PACS1: variants seen among roughly 807,000 people sequenced by gnomAD.
PACS1 encodes the protein phosphofurin acidic cluster sorting protein 1.
PACS1 carries 24 observed loss-of-function variants against 115.0 expected under a neutral mutation model. The observed-to-expected ratio is 0.21, with a 90% confidence interval of 0.15 to 0.29. The LOEUF (loss-of-function observed/expected upper bound fraction) is 0.29. PACS1 is among the 10% of genes least tolerant of loss of function. The pLI is 1.00. For synonymous variants in PACS1, 453 were observed against 504.5 expected (o/e 0.90, Z 1.37); for missense variants, 838 against 1,251.2 (o/e 0.67, Z 4.98).
chr11:66,221,849 C>G (rs1180514478), intron 10 of PACS1, among the ~76,000 whole-genome samples: 4 of 152,130 alleles, frequency 2.6e-5, no homozygotes, highest in African/African-American at 4.8e-5. Context: ...GGCGTGGTGA[C>G]TCATGTCTAT....
intron 1 of PACS1, among the ~76,000 whole-genome samples, chr11:66,187,207 A>G (rs1298680346): frequency 6.6e-6 from 1 of 152,066 alleles, no homozygotes; most frequent in East Asian, 1.9e-4. Flanking sequence ...AAATTGACCG[A>G]TCTTACATAT....
chr11:66,189,051 G>T (rs937304365), intron 1 of PACS1, among the ~76,000 whole-genome samples: 1 of 152,086 alleles, frequency 6.6e-6, no homozygotes, highest in African/African-American at 2.4e-5. Context: ...TGTAAAATAG[G>T]TATAATACCC....
intron 2 of PACS1, among the ~76,000 whole-genome samples, chr11:66,203,306 A>G (rs897106661): frequency 1.3e-5 from 2 of 152,226 alleles, no homozygotes; most frequent in Non-Finnish European, 2.9e-5. Context: ...GAAGTGAAAT[A>G]TCTCTATATT....
At position 66,070,584 on chromosome 11, in the gene PACS1, C is replaced by CGCCGCAGCAGCAGCAGCAGCA. The variant is rs1857289829; in HGVS notation, c.104_124dup (p.Gln35_Pro41dup). The CGCCGCAGCAGCAGCAGCAGCA allele has an allele frequency of 2.0e-6, 3 of 1,497,130 alleles. No individual in the cohort carries two copies. The highest frequency in any genetic ancestry group is 2.7e-6 in the Non-Finnish European group (3 of 1,130,878). 92.7% of individuals were successfully genotyped at this position (1,497,130 alleles called of 1,614,324 possible). On this transcript the variant is annotated inframe_insertion, in exon 1 of 24. Coordinates refer to ENST00000320580, the MANE Select transcript of PACS1 (RefSeq NM_018026.4). The surrounding 1 kb of genome is among the most constrained non-coding windows in gnomAD (Gnocchi z 5.9). ...GTCGCCCAGTCCCCTCAGCAGCCGC[C>CGCCGCAGCAGCAGCAGCAGCA]GCCGCAGCAGCAGCAGCAGCAGCCG... is the stretch of plus-strand genomic sequence containing the variant.
At chr11:66,121,844 A>C (rs1858450450) in intron 1 of PACS1, among the ~76,000 whole-genome samples, 2 of 152,360 alleles carry the variant, frequency 1.3e-5, no homozygotes, top group Admixed American at 6.5e-5. Flanking sequence ...GTAAAAAAGC[A>C]ACATAAAAAT....
At chr11:66,159,561 T>C (rs1859441073) in intron 1 of PACS1, among the ~76,000 whole-genome samples, 1 of 152,216 alleles carries the variant, frequency 6.6e-6, no homozygotes. Flanking sequence ...CAGTGCCTGC[T>C]TCCCCACAGC....
At chr11:66,225,553 TCACA>T (rs1855454970) in intron 10 of PACS1, among the ~76,000 whole-genome samples, 1 of 152,256 alleles carries the variant, frequency 6.6e-6, no homozygotes, top group South Asian at 2.1e-4. Context: ...TTTAATCATT[TCACA>T]GTGTATCCAT....
rs145142326 is a variant in PACS1 at position 66,105,626 on chromosome 11, G to A, written c.356+34784G>A. Among the ~76,000 whole-genome samples the A allele has an allele frequency of 7.2e-3, 1,092 of 152,188 alleles. 11 individuals are homozygous for A. The highest frequency in any genetic ancestry group is 0.024 in the African/African-American group (1,012 of 41,514). Reference sequence around the variant, plus strand: ...CTCCAAAATTTTCTTTAATACTATTGCTTACTCATCTTTTCAGAAATGATT... The same window carrying A: ...CTCCAAAATTTTCTTTAATACTATTACTTACTCATCTTTTCAGAAATGATT... On this transcript the variant is annotated intron_variant, in intron 1 of 23. Transcript: ENST00000320580.
At chr11:66,120,122 A>G (rs145402508) in intron 1 of PACS1, among the ~76,000 whole-genome samples, 126 of 151,094 alleles carry the variant, frequency 8.3e-4, no homozygotes, top group African/African-American at 2.5e-3. Flanking sequence ...AATCTACTAT[A>G]ACTGTGAAAA....
Position 66,227,507 on chromosome 11 carries a change from G to A in PACS1, c.1297G>A (p.Glu433Lys), listed in dbSNP as rs1258656309. The A allele has an allele frequency of 6.3e-7, 1 of 1,590,412 alleles. No homozygotes were observed. Among genetic ancestry groups the A allele is most frequent in the Non-Finnish European group, 8.6e-7 (1 of 1,161,212 alleles). ...SLGKDTTSPM[E>K]LAALEKIKST... ...CTAATTCTTATAATTTTTGCAGATG[G>A]AATTGGCTGCTCTAGAAAAAATTAA... The change falls in exon 11 of 24, where the codon GAA (glutamate) becomes AAA (lysine). Residue 433 changes from glutamate (E) to lysine (K), a missense_variant. By Grantham distance (56) the Glu-to-Lys change is moderately conservative. This residue lies in a region of PACS1 where 383 missense variants were observed against 537.0 expected (regional missense o/e 0.71). Coordinates refer to ENST00000320580, the MANE Select transcript of PACS1 (RefSeq NM_018026.4).
intron 11 of PACS1, chr11:66,230,242 G>GGGTC (rs1465386363): frequency 4.2e-5 from 16 of 381,152 alleles, no homozygotes; most frequent in Admixed American, 8.3e-5. Flanking sequence ...ATGCATCTAG[G>GGGTC]GGTCCCCTCT....
chr11:66,136,086 G>C (rs1039524540), intron 1 of PACS1, among the ~76,000 whole-genome samples: 1 of 152,190 alleles, frequency 6.6e-6, no homozygotes. Context: ...CTCATAATTG[G>C]ACTGTCGTAA....
intron 1 of PACS1, among the ~76,000 whole-genome samples, chr11:66,116,527 A>G (rs1858309648): frequency 6.6e-6 from 1 of 152,220 alleles, no homozygotes; most frequent in Admixed American, 6.5e-5. Context: ...CAACTATTCT[A>G]TACCAGGCAG....
chr11:66,144,409 T>A (rs1042966512), intron 1 of PACS1, among the ~76,000 whole-genome samples: 1 of 152,202 alleles, frequency 6.6e-6, no homozygotes, highest in Non-Finnish European at 1.5e-5. Flanking sequence ...TGTACAAATA[T>A]ACATAGAAGG....
At chr11:66,186,669 T>C (rs191320157) in intron 1 of PACS1, among the ~76,000 whole-genome samples, 13 of 152,364 alleles carry the variant, frequency 8.5e-5, no homozygotes, top group African/African-American at 2.4e-4. Context: ...AGCATGTGCC[T>C]CATTATAAGG....
At chr11:66,117,930 T>C (rs530784537) in intron 1 of PACS1, among the ~76,000 whole-genome samples, 41 of 152,254 alleles carry the variant, frequency 2.7e-4, no homozygotes, top group Non-Finnish European at 4.7e-4. Context: ...CATATCTCCC[T>C]ATTATATCTG....
chr11:66,210,509 A>G, intron 3 of PACS1, 58 bp downstream of exon 3: 9 of 1,222,478 alleles, frequency 7.4e-6, no homozygotes, highest in Non-Finnish European at 1.1e-5. Context: ...GTCCCCAGAC[A>G]GTCCTCTAAC....
At chr11:66,225,874 T>C in intron 10 of PACS1, among the ~76,000 whole-genome samples, 1 of 152,212 alleles carries the variant, frequency 6.6e-6, no homozygotes, top group East Asian at 1.9e-4. Flanking sequence ...TAGATTCTAT[T>C]AATGTTGGCC....
chr11:66,207,778 G>GTT (rs965187288), intron 2 of PACS1, among the ~76,000 whole-genome samples: 1 of 150,810 alleles, frequency 6.6e-6, no homozygotes, highest in Non-Finnish European at 1.5e-5. Flanking sequence ...GTTTTGTTTT[G>GTT]TTTTTTTTTG....
Sources: gnomAD v4.1 joint callset for allele counts (sites outside exome capture counted in the v4.1 genomes callset) on GRCh38, gnomAD v4.1.1 for gene constraint, gnomAD v4.1.1 regional missense constraint, Gnocchi (gnomAD v3.1) non-coding constraint, MANE v1.5 for transcripts, NCBI Gene and HGNC (gene_info 2026-07-23, HGNC 2026-07-21) for gene names.